NF2: variants seen among roughly 807,000 people sequenced by gnomAD.
NF2 encodes merlin.
Under a neutral mutation model 83.7 loss-of-function variants are expected in NF2, and 8 were observed. That is an observed-to-expected ratio of 0.10 (90% CI 0.06 to 0.17). NF2 has a LOEUF of 0.17. Among genes scored for constraint, NF2 ranks in the 10% least tolerant of loss-of-function variants. The pLI, the probability that NF2 is intolerant of heterozygous loss-of-function variation, is 1.00. For synonymous variants in NF2, 266 were observed against 269.6 expected, an observed-to-expected ratio of 0.99 and a Z score of 0.13; for missense variants, 533 against 744.4, an observed-to-expected ratio of 0.72 and a Z score of 3.31.
chr22:29,606,555 G>T (rs995230844), intron 1 of NF2, among the ~76,000 whole-genome samples: 3 of 152,200 alleles, frequency 2.0e-5, no homozygotes, highest in Admixed American at 2.0e-4. Flanking sequence ...CTTTCCAATG[G>T]CAGTGACTTC....
chr22:29,654,626 C>A (rs2146965871), intron 4 of NF2, 31 bp from the exon 5 acceptor site: 2 of 1,598,884 alleles, frequency 1.3e-6, no homozygotes, highest in African/African-American at 1.3e-5. Context: ...TTTAGAATCT[C>A]AATCGCCTGC....
chr22:29,633,448 A>AG (rs2065567699), intron 1 of NF2, among the ~76,000 whole-genome samples: 1 of 152,016 alleles, frequency 6.6e-6, no homozygotes, highest in Non-Finnish European at 1.5e-5. Context: ...TCCGTTTCTC[A>AG]GGCTGCCTTC....
chr22:29,631,409 T>G (rs2065508898), intron 1 of NF2, among the ~76,000 whole-genome samples: 1 of 152,208 alleles, frequency 6.6e-6, no homozygotes, highest in African/African-American at 2.4e-5. Flanking sequence ...TACCCTGTTC[T>G]GTTAGCACTT....
chr22:29,682,851 G>A, intron 15 of NF2: 1 of 751,368 alleles, frequency 1.3e-6, no homozygotes. Flanking sequence ...CTCAGCCACA[G>A]AAACCTGCAG....
Position 29,696,964 on chromosome 22 carries a change from G to C in NF2, c.*2162G>C. 1 of 182,590 alleles carries C rather than the reference G, an allele frequency of 5.5e-6. No individual in the cohort carries two copies. 11.3% of individuals were successfully genotyped at this position (182,590 alleles called of 1,614,324 possible). A position where few individuals can be genotyped will look rare whatever the true frequency, so the allele number is the denominator to read the frequency against. On this transcript the variant is annotated 3_prime_UTR_variant, in exon 16 of 16. Coordinates refer to ENST00000338641, the MANE Select transcript of NF2 (RefSeq NM_000268.4). ...CCCGAGTAGCTGGGACTACAGGCGTGTGCCACCATGCCTGGCTAATTTTTG... is the reference window on the plus strand; with the variant it reads ...CCCGAGTAGCTGGGACTACAGGCGTCTGCCACCATGCCTGGCTAATTTTTG...
rs1484633367 is a variant in NF2 at position 29,631,387 on chromosome 22, G to A, written c.115-5364G>A. 2.6e-5 allele frequency among the ~76,000 whole-genome samples: 4 copies of A among 152,158 alleles called. No individual in the cohort carries two copies. In the East Asian group the frequency reaches 7.7e-4, roughly 29 times the overall value. On this transcript the variant is annotated intron_variant, in intron 1 of 15. Transcript: ENST00000338641. Reference sequence around the variant, plus strand: ...ACTCCCGGAGACCCAGGCCCGAGTTGTGTTGCCACTGTACCCTGTTCTGTT... The same window carrying A: ...ACTCCCGGAGACCCAGGCCCGAGTTATGTTGCCACTGTACCCTGTTCTGTT...
rs1298953582 is a variant in NF2, at chr22:29,658,261, C to G, written c.672C>G (p.Ile224Met). Residue 224 changes from isoleucine (I) to methionine (M), a missense_variant, in exon 7 of 16, where the codon ATC becomes ATG. Physicochemically the swap from Ile to Met is conservative, Grantham distance 10. This residue lies in a region of NF2 where 326 missense variants were observed against 475.1 expected (regional missense o/e 0.69). Coordinates refer to ENST00000338641, the MANE Select transcript of NF2 (RefSeq NM_000268.4). ...TGTACGGTGTGAACTACTTTGCAAT[C>G]CGGGTGTGTTGAAACCTCTCTGAGC... is the stretch of plus-strand genomic sequence containing the variant. ...LEMYGVNYFA[I>M]RNKKGTELLL... 6.2e-7 allele frequency: 1 copy of G among 1,614,020 alleles called. No homozygotes were observed. The highest frequency in any genetic ancestry group is 1.3e-5 in the African/African-American group (1 of 75,028).
chr22:29,646,960 T>C (rs2065999873), intron 4 of NF2, among the ~76,000 whole-genome samples: 1 of 147,878 alleles, frequency 6.8e-6, no homozygotes, highest in Non-Finnish European at 1.5e-5. Flanking sequence ...TGCTTGAACC[T>C]GGGAGGTGGA....
In NF2 at chr22:29,671,460, C is replaced by T. The variant is rs527443532; in HGVS notation, c.1000-366C>T. ...AGGAGAATTGATTGAACCTGGGAGG[C>T]GGAGGTTGCAGTGAGCCGAGATCGC... On this transcript the variant is annotated intron_variant, in intron 10 of 15. Coordinates refer to ENST00000338641, the MANE Select transcript of NF2 (RefSeq NM_000268.4). Among the ~76,000 whole-genome samples, 4 of 152,138 alleles carry T rather than the reference C, an allele frequency of 2.6e-5. No homozygotes were observed. In the South Asian group the frequency reaches 8.3e-4, roughly 32 times the overall value.
chr22:29,625,751 G>C (rs543294488), intron 1 of NF2, among the ~76,000 whole-genome samples: 1 of 152,244 alleles, frequency 6.6e-6, no homozygotes, highest in Non-Finnish European at 1.5e-5. Flanking sequence ...GCAGGAATCT[G>C]TGTGGCACCA....
At chr22:29,629,599 A>G (rs1340268638) in intron 1 of NF2, among the ~76,000 whole-genome samples, 1 of 152,242 alleles carries the variant, frequency 6.6e-6, no homozygotes, top group African/African-American at 2.4e-5. Flanking sequence ...GACACGTGGC[A>G]CATGTCCTGA....
At chr22:29,646,615 T>C (rs1163427183) in intron 4 of NF2, among the ~76,000 whole-genome samples, 1 of 152,242 alleles carries the variant, frequency 6.6e-6, no homozygotes, top group Non-Finnish European at 1.5e-5. Context: ...TTCATTACAG[T>C]ATTTCAGCTG....
intron 4 of NF2, among the ~76,000 whole-genome samples, chr22:29,642,514 T>C (rs2065840664): frequency 6.6e-6 from 1 of 152,054 alleles, no homozygotes; most frequent in South Asian, 2.1e-4. Context: ...TGTGCAGAAA[T>C]TATAAGTATC....
intron 1 of NF2, among the ~76,000 whole-genome samples, chr22:29,610,625 C>A: frequency 7.1e-6 from 1 of 141,226 alleles, no homozygotes; most frequent in Admixed American, 7.4e-5. Context: ...GCCTGGGTGA[C>A]AAAGTGAGAC....
At position 29,603,964 on chromosome 22, in the gene NF2, T is replaced by C. The variant is rs916695811; in HGVS notation, c.-35T>C. 1 of 1,494,560 alleles carries C rather than the reference T, an allele frequency of 6.7e-7. No individual in the cohort carries two copies. The highest frequency in any genetic ancestry group is 1.4e-5 in the African/African-American group (1 of 72,120). 92.6% of individuals were successfully genotyped at this position (1,494,560 alleles called of 1,614,324 possible). A position where few individuals can be genotyped will look rare whatever the true frequency, so the allele number is the denominator to read the frequency against. Reference sequence around the variant, plus strand: ...GCTAAAGGGCTCAGAGTGCAGGCCGTGGGGCGCGAGGGTCCCGGGCCTGAG... The same window carrying C: ...GCTAAAGGGCTCAGAGTGCAGGCCGCGGGGCGCGAGGGTCCCGGGCCTGAG... On this transcript the variant is annotated 5_prime_UTR_variant, in exon 1 of 16. Transcript: ENST00000338641.
chr22:29,633,382 T>C (rs1006176209), intron 1 of NF2, among the ~76,000 whole-genome samples: 27 of 152,166 alleles, frequency 1.8e-4, no homozygotes, highest in African/African-American at 6.3e-4. Context: ...GGTGTCCCTC[T>C]TAATTCTGTC....
intron 4 of NF2, among the ~76,000 whole-genome samples, chr22:29,650,425 G>C (rs529802127): frequency 6.6e-6 from 1 of 152,154 alleles, no homozygotes; most frequent in Non-Finnish European, 1.5e-5. Flanking sequence ...TATTGGGACT[G>C]AACGTCTTTT....
At chr22:29,690,952 T>C (rs1320334071) in intron 15 of NF2, among the ~76,000 whole-genome samples, 4 of 152,214 alleles carry the variant, frequency 2.6e-5, no homozygotes, top group Admixed American at 1.3e-4. Context: ...TGAAGGACAG[T>C]GCATGACAGA....
At chr22:29,672,675 G>A (rs1601646616) in intron 11 of NF2, among the ~76,000 whole-genome samples, 2 of 151,036 alleles carry the variant, frequency 1.3e-5, no homozygotes, top group African/African-American at 4.9e-5. Context: ...GAGTGCAATG[G>A]CATGATCTTG....
Sources: allele counts gnomAD v4.1 joint callset (sites outside exome capture counted in the v4.1 genomes callset), GRCh38; gene constraint gnomAD v4.1.1; regional missense constraint gnomAD v4.1.1; transcripts MANE v1.5; gene names NCBI Gene and HGNC (gene_info 2026-07-23, HGNC 2026-07-21).